Variants in GALNT17 observed in about 807,000 individuals in gnomAD.
GALNT17 encodes the protein UDP-GalNAc:polypeptide N-acetylgalactosaminyltransferase-like 3.
Under a neutral mutation model 63.7 loss-of-function variants are expected in GALNT17, and 29 were observed. The observed-to-expected ratio is 0.46, with a 90% CI of 0.34 to 0.62. The LOEUF is 0.62. Ranked by LOEUF, GALNT17 falls within the 20% of genes least tolerant of loss-of-function variation. The pLI, the probability that GALNT17 is intolerant of heterozygous loss-of-function variation, is 0.01. For missense variants in GALNT17, 603 were observed against 799.6 expected, an observed-to-expected ratio of 0.75 and a Z score of 2.97; for synonymous variants, 305 against 318.3, an observed-to-expected ratio of 0.96 and a Z score of 0.45.
chr7:71,572,220 TAAAA>T (rs879513819), intron 6 of GALNT17, among the ~76,000 whole-genome samples: 1 of 119,004 alleles, frequency 8.4e-6, no homozygotes. Context: ...CTATGAAAAA[TAAAA>T]AAAAAAAAAG....
chr7:71,503,492 C>T (rs1288501969), intron 5 of GALNT17, among the ~76,000 whole-genome samples: 1 of 152,184 alleles, frequency 6.6e-6, no homozygotes, highest in African/African-American at 2.4e-5. Context: ...CCACCCCGGC[C>T]TCCCAAAGTG....
At chr7:71,231,067 G>T (rs564557585) in intron 1 of GALNT17, among the ~76,000 whole-genome samples, 3 of 152,272 alleles carry the variant, frequency 2.0e-5, no homozygotes, top group Non-Finnish European at 2.9e-5. Context: ...GGAAGGGAAA[G>T]AAAAGGAATA....
At chr7:71,171,544 A>G (rs551848189) in intron 1 of GALNT17, among the ~76,000 whole-genome samples, 2 of 152,318 alleles carry the variant, frequency 1.3e-5, no homozygotes, top group Non-Finnish European at 2.9e-5. Context: ...AACGTAAAAC[A>G]AATGTAGACA....
chr7:71,535,608 T>C (rs1788790652), intron 5 of GALNT17, among the ~76,000 whole-genome samples: 1 of 152,214 alleles, frequency 6.6e-6, no homozygotes, highest in Non-Finnish European at 1.5e-5. Flanking sequence ...AACACAAAGA[T>C]TGTCCAAGCA....
chr7:71,187,743 A>G (rs985086309), intron 1 of GALNT17, among the ~76,000 whole-genome samples: 50 of 151,926 alleles, frequency 3.3e-4, no homozygotes, highest in African/African-American at 1.2e-3. Context: ...TTTAGAAAAA[A>G]ATTTTTTATT....
chr7:71,500,127 G>A lies in GALNT17; in HGVS notation c.963-71158G>A, dbSNP rs529773122. On this transcript the variant is annotated intron_variant, in intron 5 of 10. Coordinates refer to ENST00000333538, the MANE Select transcript of GALNT17 (RefSeq NM_022479.3). ...AGTCCTTTATAGCAGTGTAAGAATGGACTAATACACTCGTCCATCCCAATT... is the reference window on the plus strand; with the variant it reads ...AGTCCTTTATAGCAGTGTAAGAATGAACTAATACACTCGTCCATCCCAATT... Among the ~76,000 whole-genome samples the A allele has an allele frequency of 3.9e-5, 6 of 152,058 alleles. No individual in the cohort carries two copies. In the South Asian group the frequency reaches 1.2e-3, roughly 32 times the overall value.
At chr7:71,206,039 AATAT>A (rs35048889) in intron 1 of GALNT17, among the ~76,000 whole-genome samples, 1 of 145,834 alleles carries the variant, frequency 6.9e-6, no homozygotes. Context: ...CCAGCTAGAG[AATAT>A]ATATATATAT....
chr7:71,525,684 T>A (rs1156305820), intron 5 of GALNT17, among the ~76,000 whole-genome samples: 9 of 139,448 alleles, frequency 6.5e-5, no homozygotes, highest in Admixed American at 7.1e-5. Context: ...ATTAAATGCC[T>A]TTTTTTTTTT....
At position 71,252,885 on chromosome 7, in the gene GALNT17, G is replaced by A. The variant is rs1272591108; in HGVS notation, c.239-82665G>A. ...CTCCAATATCTTTTACCCTAAAGCA[G>A]TTCTATTGAGTTTCACCCTGACAAT... On this transcript the variant is annotated intron_variant, in intron 1 of 10. Transcript: ENST00000333538. Among the ~76,000 whole-genome samples the A allele has an allele frequency of 2.6e-5, 4 of 152,170 alleles. No individual in the cohort carries two copies. The East Asian group carries it at 7.7e-4, about 29-fold the overall frequency.
At chr7:71,434,276 T>C (rs548827769) in intron 5 of GALNT17, among the ~76,000 whole-genome samples, 1 of 152,310 alleles carries the variant, frequency 6.6e-6, no homozygotes, top group South Asian at 2.1e-4. Context: ...ATCTATCTTA[T>C]GAGTCCTGTC....
intron 2 of GALNT17, among the ~76,000 whole-genome samples, chr7:71,337,293 T>C (rs1280039490): frequency 1.6e-4 from 24 of 152,180 alleles, no homozygotes; most frequent in Non-Finnish European, 1.5e-5. Flanking sequence ...TTCATTATTA[T>C]ATATAACATT....
chr7:71,371,515 T>C (rs1792623484), intron 2 of GALNT17, among the ~76,000 whole-genome samples: 1 of 152,222 alleles, frequency 6.6e-6, no homozygotes, highest in African/African-American at 2.4e-5. Flanking sequence ...GTTTTCATTA[T>C]TTGAATAGTG....
chr7:71,319,096 A>G (rs7806099), intron 1 of GALNT17, among the ~76,000 whole-genome samples: 1 of 131,880 alleles, frequency 7.6e-6, no homozygotes, highest in Non-Finnish European at 1.6e-5. Context: ...ATTTTTGTTT[A>G]TCTTTCTTTC....
chr7:71,649,612 A>AACACACAC (rs148658729), intron 6 of GALNT17, among the ~76,000 whole-genome samples: 44 of 146,266 alleles, frequency 3.0e-4, no homozygotes, highest in African/African-American at 8.8e-4. Context: ...TTCAGGATTA[A>AACACACAC]ACACACACAC....
chr7:71,665,350 G>T (rs868653570), intron 6 of GALNT17, 61 bp from the exon 7 acceptor site: 7 of 1,523,484 alleles, frequency 4.6e-6, no homozygotes, highest in Non-Finnish European at 6.2e-6. Context: ...TTTGGGCTTG[G>T]GGAGGGGGCA....
intron 9 of GALNT17, among the ~76,000 whole-genome samples, chr7:71,693,263 TACACACACACACACACAC>T (rs761584365): frequency 1.8e-5 from 2 of 108,880 alleles, no homozygotes; most frequent in Non-Finnish European, 3.6e-5. Context: ...CACACACACA[TACACACACACACACACAC>T]ACACACACAC....
At chr7:71,530,912 A>C (rs1297399068) in intron 5 of GALNT17, among the ~76,000 whole-genome samples, 1 of 152,172 alleles carries the variant, frequency 6.6e-6, no homozygotes, top group African/African-American at 2.4e-5. Context: ...TCTTAAGCAC[A>C]CAATGATCTA....
chr7:71,185,853 C>T lies in GALNT17; in HGVS notation c.238+52813C>T, dbSNP rs186045771. 3.1e-3 allele frequency among the ~76,000 whole-genome samples: 465 copies of T among 152,282 alleles called. 1 individual carries two copies. The highest frequency in any genetic ancestry group is 5.1e-3 in the Admixed American group (78 of 15,292). On this transcript the variant is annotated intron_variant, in intron 1 of 10. Transcript: ENST00000333538. Reference sequence around the variant, plus strand: ...ACTCCATTTCCCTATCTGCAAAATGCAGCTAATAATCATAGTCAGTCGTAG... The same window carrying T: ...ACTCCATTTCCCTATCTGCAAAATGTAGCTAATAATCATAGTCAGTCGTAG...
intron 5 of GALNT17, among the ~76,000 whole-genome samples, chr7:71,558,562 A>G (rs979700866): frequency 1.3e-5 from 2 of 152,160 alleles, no homozygotes; most frequent in Non-Finnish European, 2.9e-5. Flanking sequence ...TCACTCAACC[A>G]TGTCTCATCT....
Sources: allele counts gnomAD v4.1 joint callset (sites outside exome capture counted in the v4.1 genomes callset), GRCh38; gene constraint gnomAD v4.1.1; transcripts MANE v1.5; gene names NCBI Gene and HGNC (gene_info 2026-07-23, HGNC 2026-07-21).